The following BCAS1 variants were observed in gnomAD, a reference collection of about 807,000 sequenced individuals.
BCAS1 encodes brain enriched myelin associated protein 1.
BCAS1 carries 46 observed loss-of-function variants against 65.4 expected under a neutral mutation model. The ratio of observed to expected loss-of-function variants is 0.70; its 90% CI spans 0.55 to 0.90. The LOEUF (loss-of-function observed/expected upper bound fraction) is 0.90, where lower values mean the gene tolerates loss of function less well. Ranked by LOEUF, BCAS1 falls within the 40% of genes least tolerant of loss-of-function variation. BCAS1 has a pLI of 0.00. For synonymous variants in BCAS1, 298 were observed against 293.5 expected, an observed-to-expected ratio of 1.02 and a Z score of -0.16; for missense variants, 793 against 771.2, an observed-to-expected ratio of 1.03 and a Z score of -0.33.
intron 12 of BCAS1, among the ~76,000 whole-genome samples, chr20:53,946,597 T>G (rs2089330616): frequency 6.6e-6 from 1 of 150,698 alleles, no homozygotes; most frequent in Non-Finnish European, 1.5e-5. Context: ...GATAGTATAG[T>G]GTAGTATAAG....
chr20:54,030,259 G>C (rs1349445311), intron 3 of BCAS1, among the ~76,000 whole-genome samples: 1 of 152,200 alleles, frequency 6.6e-6, no homozygotes, highest in Non-Finnish European at 1.5e-5. Context: ...CTGATAAGCT[G>C]TGTGATATGG....
intron 2 of BCAS1, 35 bp downstream of exon 2, chr20:54,058,612 T>TTTC: frequency 6.5e-7 from 1 of 1,539,836 alleles, no homozygotes; most frequent in Non-Finnish European, 8.6e-7. Context: ...TTTTTTTTTT[T>TTTC]TCTGCTGATG....
At chr20:53,965,031 T>C (rs530837298) in intron 10 of BCAS1, among the ~76,000 whole-genome samples, 1 of 152,348 alleles carries the variant, frequency 6.6e-6, no homozygotes, top group East Asian at 1.9e-4. Context: ...GGCCAAATGT[T>C]CTTTTCTTTC....
intron 4 of BCAS1, among the ~76,000 whole-genome samples, chr20:54,021,854 C>T (rs2299716): frequency 0.044 from 6,738 of 152,154 alleles, 339 homozygotes; most frequent in East Asian, 0.24. Flanking sequence ...CTGGGGTACA[C>T]GTGCACGTCA....
chr20:53,958,638 A>G (rs191244959), intron 10 of BCAS1, among the ~76,000 whole-genome samples: 5 of 152,362 alleles, frequency 3.3e-5, no homozygotes, highest in Non-Finnish European at 2.9e-5. Flanking sequence ...CATTAGAGAT[A>G]ATACAAATTA....
intron 3 of BCAS1, among the ~76,000 whole-genome samples, chr20:54,031,087 G>T (rs539010009): frequency 1.3e-5 from 2 of 151,276 alleles, no homozygotes; most frequent in Non-Finnish European, 3.0e-5. Flanking sequence ...AATGCCAAGA[G>T]CACCAACTTA....
chr20:54,048,714 C>G (rs2092156245), intron 3 of BCAS1, among the ~76,000 whole-genome samples: 1 of 152,228 alleles, frequency 6.6e-6, no homozygotes, highest in African/African-American at 2.4e-5. Flanking sequence ...ATTAAAAGTG[C>G]TATTTACTTA....
At chr20:54,064,034 T>C (rs1246292928) in intron 1 of BCAS1, among the ~76,000 whole-genome samples, 1 of 152,104 alleles carries the variant, frequency 6.6e-6, no homozygotes, top group Non-Finnish European at 1.5e-5. Flanking sequence ...TGTTTGAGGG[T>C]TTGGCACTTT....
In BCAS1 at chr20:54,003,239, A is replaced by G. The variant is rs1366888090; in HGVS notation, c.724-7189T>C. On this transcript the variant is annotated intron_variant, in intron 4 of 12. Coordinates refer to ENST00000688948, the MANE Select transcript of BCAS1 (RefSeq NM_001366298.2). ...TAGCCAAACAGACAAAAAAAAAAAA[A>G]AAAAAAAGCAATGAAAATGCCATAC... Among the ~76,000 whole-genome samples, 3 of 152,148 alleles carry G rather than the reference A, an allele frequency of 2.0e-5. No individual in the cohort carries two copies. In the East Asian group the frequency reaches 5.8e-4, roughly 29 times the overall value.
intron 4 of BCAS1, among the ~76,000 whole-genome samples, chr20:54,023,716 A>G (rs982631391): frequency 2.0e-5 from 3 of 152,232 alleles, no homozygotes; most frequent in Admixed American, 6.5e-5. Context: ...CAGAGGAAAC[A>G]TTGTGGAAAC....
Position 54,015,716 on chromosome 20 carries a change from G to C in BCAS1, c.723+12676C>G, listed in dbSNP as rs1048173359. Among the ~76,000 whole-genome samples the C allele has an allele frequency of 2.0e-5, 3 of 152,316 alleles. No homozygotes were observed. In the East Asian group the frequency reaches 5.8e-4, roughly 29 times the overall value. ...TGTCACATAAGCTCTGGGTGGCATA[G>C]TTTGGAAATTATTGTTAGAGGAAAA... On this transcript the variant is annotated intron_variant, in intron 4 of 12. Coordinates refer to ENST00000688948, the MANE Select transcript of BCAS1 (RefSeq NM_001366298.2).
intron 3 of BCAS1, among the ~76,000 whole-genome samples, chr20:54,040,662 G>A (rs1323145697): frequency 6.6e-6 from 1 of 151,180 alleles, no homozygotes; most frequent in East Asian, 1.9e-4. Context: ...ACACCCACGA[G>A]GATGGCCATA....
intron 3 of BCAS1, among the ~76,000 whole-genome samples, chr20:54,041,963 A>T (rs1226014799): frequency 6.7e-6 from 1 of 150,208 alleles, no homozygotes; most frequent in African/African-American, 2.4e-5. Flanking sequence ...GTGGGAGTGT[A>T]ATTTGGCCAC....
chr20:54,050,575 C>A (rs2092193888), intron 3 of BCAS1, among the ~76,000 whole-genome samples: 2 of 152,214 alleles, frequency 1.3e-5, no homozygotes, highest in South Asian at 2.1e-4. Flanking sequence ...TACACAGATA[C>A]ACGTCAGTGA....
intron 3 of BCAS1, among the ~76,000 whole-genome samples, chr20:54,038,818 A>G (rs1231651133): frequency 1.3e-5 from 2 of 151,402 alleles, no homozygotes; most frequent in African/African-American, 4.8e-5. Flanking sequence ...GTGGACATAT[A>G]CACACTAATT....
chr20:54,014,217 C>G (rs901773195), intron 4 of BCAS1, among the ~76,000 whole-genome samples: 9 of 152,206 alleles, frequency 5.9e-5, no homozygotes, highest in Admixed American at 4.6e-4. Flanking sequence ...GAAACATTCT[C>G]CAGAAAATAC....
In BCAS1 at chr20:53,999,161, G is replaced by A. The variant is rs75759047; in HGVS notation, c.724-3111C>T. 6.4e-4 allele frequency among the ~76,000 whole-genome samples: 97 copies of A among 152,276 alleles called. 2 individuals carry two copies. In the East Asian group the frequency reaches 0.016, roughly 25 times the overall value. ...TGGAAAACCAAGATCCTCATAGGGAGTGTATATAAATATAGACTACATCCA... is the reference window on the plus strand; with the variant it reads ...TGGAAAACCAAGATCCTCATAGGGAATGTATATAAATATAGACTACATCCA... On this transcript the variant is annotated intron_variant, in intron 4 of 12. Coordinates refer to ENST00000688948, the MANE Select transcript of BCAS1 (RefSeq NM_001366298.2).
intron 3 of BCAS1, among the ~76,000 whole-genome samples, chr20:54,053,762 G>A (rs957449864): frequency 6.6e-6 from 1 of 152,206 alleles, no homozygotes; most frequent in Non-Finnish European, 1.5e-5. Flanking sequence ...GAACAAAGAA[G>A]CTCAGAAACC....
chr20:53,973,504 A>G (rs1227026536), intron 9 of BCAS1, among the ~76,000 whole-genome samples: 1 of 152,156 alleles, frequency 6.6e-6, no homozygotes, highest in East Asian at 1.9e-4. Flanking sequence ...TTAGAGATCA[A>G]CTCTGCATTT....
Sources: gnomAD v4.1 joint callset for allele counts (sites outside exome capture counted in the v4.1 genomes callset) on GRCh38, gnomAD v4.1.1 for gene constraint, MANE v1.5 for transcripts, NCBI Gene and HGNC (gene_info 2026-07-23, HGNC 2026-07-21) for gene names.